ALG12: variants seen among roughly 807,000 people sequenced by gnomAD.
ALG12 encodes the protein dol-P-Man:Man(7)GlcNAc(2)-PP-Dol alpha-1,6-mannosyltransferase.
ALG12 carries 36 observed loss-of-function variants against 46.0 expected under a neutral mutation model. The ratio of observed to expected loss-of-function variants is 0.78; its 90% CI spans 0.60 to 1.03. ALG12 has a LOEUF of 1.03. Ranked by LOEUF, ALG12 falls within the 50% of genes least tolerant of loss-of-function variation. The pLI, the probability that ALG12 is intolerant of heterozygous loss-of-function variation, is 0.00. For missense variants in ALG12, 599 were observed against 633.5 expected (o/e 0.95, Z 0.58); for synonymous variants, 326 against 291.6 (o/e 1.12, Z -1.20).
At chr22:49,874,089 C>G in the ALG12 span, among the ~76,000 whole-genome samples, 1 of 152,222 alleles carries the variant, frequency 6.6e-6, no homozygotes, top group African/African-American at 2.4e-5. Context: ...ATCGATGGCC[C>G]TGTCGTCTGC....
downstream of ALG12, among the ~76,000 whole-genome samples, chr22:49,899,217 AGTCCC>A (rs2060494461): frequency 3.3e-5 from 5 of 152,310 alleles, no homozygotes; most frequent in African/African-American, 1.2e-4. Flanking sequence ...TCACACCTGT[AGTCCC>A]AGCATTTTGG....
chr22:49,898,843 C>T (rs144939910), downstream of ALG12, among the ~76,000 whole-genome samples: 1,497 of 152,284 alleles, frequency 9.8e-3, 25 homozygotes, highest in African/African-American at 0.035. Flanking sequence ...GCCTCAACCT[C>T]CTGGGCTCAA....
the ALG12 span, among the ~76,000 whole-genome samples, chr22:49,870,095 T>C: frequency 6.6e-6 from 1 of 152,340 alleles, no homozygotes; most frequent in African/African-American, 2.4e-5. Flanking sequence ...TCTGTTCCTG[T>C]GTTTGTTCAC....
chr22:49,909,112 A>C, intron 6 of ALG12, 132 bp downstream of exon 6: 1 of 946,570 alleles, frequency 1.1e-6, no homozygotes, highest in African/African-American at 1.6e-5. Context: ...AGTGGGAGGG[A>C]GGGGCTCCAT....
chr22:49,877,273 ATTTATTTATT>A, the ALG12 span, among the ~76,000 whole-genome samples: 1 of 132,308 alleles, frequency 7.6e-6, no homozygotes, highest in Non-Finnish European at 1.7e-5. Context: ...TTATTTATTT[ATTTATTTATT>A]TATTTATTTA....
the ALG12 span, among the ~76,000 whole-genome samples, chr22:49,870,394 G>A: frequency 0.64 from 97,864 of 152,136 alleles, 35,674 homozygotes; most frequent in East Asian, 0.85. Flanking sequence ...TCTTTGAGAA[G>A]ACTCCACACT....
chr22:49,865,084 G>A, the ALG12 span, among the ~76,000 whole-genome samples: 22 of 152,028 alleles, frequency 1.4e-4, no homozygotes, highest in Admixed American at 1.1e-3. Context: ...TGAGAAATGC[G>A]TTACTCAGCG....
intron 3 of ALG12, among the ~76,000 whole-genome samples, chr22:49,912,219 G>GGT (rs1026637352): frequency 7.2e-6 from 1 of 139,454 alleles, no homozygotes; most frequent in African/African-American, 3.2e-5. Context: ...GGCAGGGGCT[G>GGT]GGGGGGGCAC....
the ALG12 span, chr22:49,887,912 C>G: frequency 6.0e-6 from 1 of 167,276 alleles, no homozygotes; most frequent in Non-Finnish European, 1.5e-5. Flanking sequence ...GTGCTCATCA[C>G]TTCGCCAGTG....
chr22:49,884,696 G>T, the ALG12 span: 1 of 1,600,656 alleles, frequency 6.2e-7, no homozygotes, highest in Non-Finnish European at 8.5e-7. Flanking sequence ...GAGAACGGGG[G>T]CACGGGCATC....
the ALG12 span, chr22:49,884,797 C>G: frequency 6.2e-7 from 1 of 1,609,140 alleles, no homozygotes; most frequent in Admixed American, 1.7e-5. Context: ...TCCAGTAAAG[C>G]CGGTCAGAGA....
chr22:49,887,412 T>C, the ALG12 span: 3 of 415,348 alleles, frequency 7.2e-6, no homozygotes, highest in Non-Finnish European at 1.3e-5. Flanking sequence ...CTGTCAACTA[T>C]GAAATATGGT....
In ALG12 at chr22:49,900,503, G is replaced by C. The variant is rs1293651379; in HGVS notation, c.*3335C>G. 1 of 152,272 alleles carries C rather than the reference G, an allele frequency of 6.6e-6. No individual in the cohort carries two copies. Among genetic ancestry groups the C allele is most frequent in the Non-Finnish European group, 1.5e-5 (1 of 68,090 alleles). 9.4% of individuals were successfully genotyped at this position (152,272 alleles called of 1,614,324 possible). ...CGAAGGCACCACTACACTGACGGTG[G>C]AGAAGCCGACCCAAGGAACTCATGA... On this transcript the variant is annotated 3_prime_UTR_variant, in exon 10 of 10. Coordinates refer to ENST00000330817, the MANE Select transcript of ALG12 (RefSeq NM_024105.4).
rs752077223 is a variant in ALG12 at position 49,903,353 on chromosome 22, TG to T, written c.*484del. On this transcript the variant is annotated 3_prime_UTR_variant, in exon 10 of 10. Coordinates refer to ENST00000330817, the MANE Select transcript of ALG12 (RefSeq NM_024105.4). ...AAAAGTTGCAGTGGTGGCACCAGGG[TG>T]GGGGGGTGCGGCCGGGGCCACCATG... is the stretch of plus-strand genomic sequence containing the variant. 7 of 456,810 alleles carry T rather than the reference TG, an allele frequency of 1.5e-5. No homozygotes were observed. The highest frequency in any genetic ancestry group is 2.0e-5 in the African/African-American group (1 of 49,994). 28.3% of individuals were successfully genotyped at this position (456,810 alleles called of 1,614,324 possible).
rs2060532651 is a variant in ALG12 at position 49,904,495 on chromosome 22, T to C, written c.1004A>G (p.Tyr335Cys). The change falls in exon 8 of 10, where the codon TAT (tyrosine) becomes TGT (cysteine). Residue 335 changes from tyrosine (Y) to cysteine (C), a missense_variant. Coordinates refer to ENST00000330817, the MANE Select transcript of ALG12 (RefSeq NM_024105.4). ...ARGCSYLLNN[Y>C]KKSWLYKAGS... is the part of the protein sequence containing the mutation. ...CGCTTTGTACAGCCAAGACTTTTTA[T>C]AGTTATTCAGCCTGAAAAAAGAATG... 1.2e-6 allele frequency: 2 copies of C among 1,614,164 alleles called. No individual in the cohort carries two copies. The highest frequency in any genetic ancestry group is 1.1e-5 in the South Asian group (1 of 91,084).
At chr22:49,886,789 G>T in the ALG12 span, 14 of 1,612,734 alleles carry the variant, frequency 8.7e-6, no homozygotes, top group Non-Finnish European at 4.2e-6. This position sits in a 1 kb window ranked among gnomAD's most constrained non-coding sequence, Gnocchi z 7.7. Flanking sequence ...CTCAGAGGAC[G>T]TGGCTGCCTC....
the ALG12 span, among the ~76,000 whole-genome samples, chr22:49,878,870 C>T: frequency 5.8e-4 from 88 of 151,978 alleles, no homozygotes; most frequent in Middle Eastern, 3.4e-3. Context: ...GTGGGCCAGG[C>T]GTGGTGGCTC....
chr22:49,903,950 G>A lies in ALG12; in HGVS notation c.1355C>T (p.Ala452Val). ...ALYRDTHRVL[A>V]SVVGTTGVSL... Reference sequence around the variant, plus strand: ...CACACCTGTGGTCCCCACGACGCTGGCCAGGACCCGGTGTGTGTCCCTGTA... The same window carrying A: ...CACACCTGTGGTCCCCACGACGCTGACCAGGACCCGGTGTGTGTCCCTGTA... The change falls in exon 10 of 10, where the codon GCC (alanine) becomes GTC (valine). Residue 452 changes from alanine to valine, a missense_variant. Coordinates refer to ENST00000330817, the MANE Select transcript of ALG12 (RefSeq NM_024105.4). 1.9e-6 allele frequency: 3 copies of A among 1,614,226 alleles called. No individual in the cohort carries two copies. Among genetic ancestry groups the A allele is most frequent in the Non-Finnish European group, 2.5e-6 (3 of 1,180,018 alleles).
chr22:49,903,295 T>C lies in ALG12; in HGVS notation c.*543A>G, dbSNP rs1353579590. ...TGAATGTGTTTATCTCCTAAGATTT[T>C]ATCTGTGATGGAGATGGGATGCCTG... On this transcript the variant is annotated 3_prime_UTR_variant, in exon 10 of 10. Coordinates refer to ENST00000330817, the MANE Select transcript of ALG12 (RefSeq NM_024105.4). 8.8e-6 allele frequency: 4 copies of C among 456,102 alleles called. No individual in the cohort carries two copies. The highest frequency in any genetic ancestry group is 4.4e-6 in the Non-Finnish European group (1 of 227,144). 28.3% of individuals were successfully genotyped at this position (456,102 alleles called of 1,614,324 possible). A position where few individuals can be genotyped will look rare whatever the true frequency, so the allele number is the denominator to read the frequency against.
Sources: allele counts gnomAD v4.1 joint callset (sites outside exome capture counted in the v4.1 genomes callset), GRCh38; gene constraint gnomAD v4.1.1; non-coding constraint Gnocchi (gnomAD v3.1); transcripts MANE v1.5; gene names NCBI Gene and HGNC (gene_info 2026-07-23, HGNC 2026-07-21).